The following ZNF486 variants were observed in gnomAD, a reference collection of about 807,000 sequenced individuals.
ZNF486 encodes zinc finger protein 486, also known as KRAB box only protein 2.
ZNF486 carries 12 observed loss-of-function variants against 12.8 expected under a neutral mutation model. The ratio of observed to expected loss-of-function variants is 0.94; its 90% CI spans 0.60 to 1.52. ZNF486 has a LOEUF of 1.52. Ranked by LOEUF, ZNF486 falls within the 40% of genes most tolerant of loss-of-function variation. ZNF486 has a pLI of 0.00. For missense variants in ZNF486, 738 were observed against 545.0 expected (o/e 1.35, Z -3.53); for synonymous variants, 231 against 184.9 (o/e 1.25, Z -2.02).
At chr19:20,180,834 T>C (rs1484274916) in intron 1 of ZNF486, among the ~76,000 whole-genome samples, 3 of 152,172 alleles carry the variant, frequency 2.0e-5, no homozygotes, top group Non-Finnish European at 4.4e-5. Flanking sequence ...GTATAATTTC[T>C]ACTTTTTTTT....
chr19:20,188,272 T>A, intron 3 of ZNF486: 1 of 391,706 alleles, frequency 2.6e-6, no homozygotes, highest in Non-Finnish European at 4.5e-6. Flanking sequence ...GAAATACTTG[T>A]TTGATTTGAA....
chr19:20,168,005 T>C (rs1359898096), intron 1 of ZNF486, among the ~76,000 whole-genome samples: 1 of 152,154 alleles, frequency 6.6e-6, no homozygotes, highest in Non-Finnish European at 1.5e-5. Context: ...TCAGCTTAGA[T>C]TGTGCGGTCT....
intron 3 of ZNF486, among the ~76,000 whole-genome samples, chr19:20,189,950 T>C (rs1306486725): frequency 6.6e-6 from 1 of 152,038 alleles, no homozygotes; most frequent in African/African-American, 2.4e-5. Context: ...TTTCTTTATG[T>C]CTAAGTATTT....
At chr19:20,175,088 C>G (rs537343506) in intron 1 of ZNF486, 1 of 152,322 alleles carries the variant, frequency 6.6e-6, no homozygotes, top group African/African-American at 2.4e-5. Flanking sequence ...GATGACAGAA[C>G]AGCAGAGATG....
At chr19:20,175,718 C>T (rs1473640257) in intron 1 of ZNF486, among the ~76,000 whole-genome samples, 3 of 152,202 alleles carry the variant, frequency 2.0e-5, no homozygotes, top group Admixed American at 6.5e-5. Context: ...TGAAAAGTCT[C>T]CCATGTCTAC....
chr19:20,200,385 C>T lies in ZNF486; in HGVS notation c.*2283C>T, dbSNP rs1186476594. On this transcript the variant is annotated 3_prime_UTR_variant, in exon 4 of 4. Coordinates refer to ENST00000335117, the MANE Select transcript of ZNF486 (RefSeq NM_052852.4). ...GGTAGGTCAGAGTAATACTTTTCTACATTATAGTGCAAGAAATAATTATTG... is the reference window on the plus strand; with the variant it reads ...GGTAGGTCAGAGTAATACTTTTCTATATTATAGTGCAAGAAATAATTATTG... 2.6e-5 allele frequency: 4 copies of T among 152,028 alleles called. No homozygotes were observed. Among genetic ancestry groups the T allele is most frequent in the African/African-American group, 4.8e-5 (2 of 41,384 alleles). The allele number at this position is 152,028 out of a possible 1,614,324, so 9.4% of individuals were successfully genotyped here. A position where few individuals can be genotyped will look rare whatever the true frequency, so the allele number is the denominator to read the frequency against.
intron 3 of ZNF486, among the ~76,000 whole-genome samples, chr19:20,190,807 T>C (rs1555717071): frequency 6.6e-6 from 1 of 152,228 alleles, no homozygotes; most frequent in East Asian, 1.9e-4. Context: ...TGAAGCCTAG[T>C]TGGTCTATAA....
At chr19:20,181,977 G>A (rs782629383) in intron 1 of ZNF486, among the ~76,000 whole-genome samples, 2 of 152,156 alleles carry the variant, frequency 1.3e-5, no homozygotes, top group Non-Finnish European at 2.9e-5. Flanking sequence ...AATAAACATT[G>A]CATTAGTACT....
intron 3 of ZNF486, among the ~76,000 whole-genome samples, chr19:20,192,234 C>T (rs935783934): frequency 3.2e-4 from 48 of 152,114 alleles, no homozygotes; most frequent in African/African-American, 1.2e-3. Flanking sequence ...CAATGAGTCT[C>T]TTGTAGGCAG....
chr19:20,169,002 G>A (rs1217023210), intron 1 of ZNF486, among the ~76,000 whole-genome samples: 3 of 151,966 alleles, frequency 2.0e-5, no homozygotes, highest in African/African-American at 7.2e-5. Context: ...CACCACGCCC[G>A]GCTAATTTTT....
intron 3 of ZNF486, among the ~76,000 whole-genome samples, chr19:20,193,090 T>A (rs1397054358): frequency 6.6e-6 from 1 of 152,134 alleles, no homozygotes. Flanking sequence ...TTTGTAATCA[T>A]CTTGAAAACT....
intron 2 of ZNF486, among the ~76,000 whole-genome samples, chr19:20,185,417 T>G (rs1555716245): frequency 1.4e-5 from 2 of 139,712 alleles, no homozygotes; most frequent in Admixed American, 7.0e-5. Flanking sequence ...TTTTTTTTTT[T>G]TTTTTTTTTT....
chr19:20,174,854 T>C (rs1470756130), intron 1 of ZNF486, among the ~76,000 whole-genome samples: 1 of 152,214 alleles, frequency 6.6e-6, no homozygotes, highest in Non-Finnish European at 1.5e-5. Context: ...TAAACACAAT[T>C]TTAGTGTCTT....
intron 1 of ZNF486, among the ~76,000 whole-genome samples, chr19:20,175,757 C>T (rs1032137882): frequency 1.3e-4 from 20 of 152,212 alleles, no homozygotes; most frequent in African/African-American, 4.3e-4. Context: ...GGCAACCATC[C>T]GATTTCTCAG....
intron 3 of ZNF486, among the ~76,000 whole-genome samples, chr19:20,193,446 G>C (rs1286264894): frequency 2.0e-5 from 3 of 151,900 alleles, no homozygotes; most frequent in African/African-American, 4.8e-5. Flanking sequence ...TGAATCAGAA[G>C]GTCAGGAGTT....
intron 1 of ZNF486, among the ~76,000 whole-genome samples, chr19:20,175,801 C>G (rs1158480492): frequency 1.3e-5 from 2 of 152,216 alleles, no homozygotes; most frequent in African/African-American, 4.8e-5. Context: ...TTCTATTCCA[C>G]AAAACAGCCA....
rs8109270 is a variant in ZNF486 at position 20,184,599 on chromosome 19, C to G, written c.157+117C>G. The G allele has an allele frequency of 0.011, 12,975 of 1,143,856 alleles. 1,167 individuals carry two copies. The African/African-American group carries it at 0.18, about 16-fold the overall frequency. 70.9% of individuals were successfully genotyped at this position (1,143,856 alleles called of 1,614,324 possible). On this transcript the variant is annotated intron_variant, in intron 2 of 3. Transcript: ENST00000335117. ...TAAAAGAGTTCCAGATGTCCTTTTTCCAGAAAATCTTCAGAATTTGTTTAT... is the reference window on the plus strand; with the variant it reads ...TAAAAGAGTTCCAGATGTCCTTTTTGCAGAAAATCTTCAGAATTTGTTTAT...
chr19:20,168,860 TG>T (rs2089614001), intron 1 of ZNF486, among the ~76,000 whole-genome samples: 1 of 151,916 alleles, frequency 6.6e-6, no homozygotes, highest in South Asian at 2.1e-4. Context: ...TTTTTTTTTT[TG>T]AGACAGTCTT....
rs1398227976 is a variant in ZNF486, at chr19:20,200,456, TTTATG to T, written c.*2356_*2360del. 2 of 152,160 alleles carry T rather than the reference TTTATG, an allele frequency of 1.3e-5. No homozygotes were observed. The highest frequency in any genetic ancestry group is 1.9e-4 in the East Asian group (1 of 5,204). 9.4% of individuals were successfully genotyped at this position (152,160 alleles called of 1,614,324 possible). A position where few individuals can be genotyped will look rare whatever the true frequency, so the allele number is the denominator to read the frequency against. On this transcript the variant is annotated 3_prime_UTR_variant, in exon 4 of 4. Transcript: ENST00000335117. ...ATTCGTATATTTTACTTATTGTACT[TTTATG>T]TAATAAAATGCAGTGCATTTAAAAA...
Sources: allele counts gnomAD v4.1 joint callset (sites outside exome capture counted in the v4.1 genomes callset), GRCh38; gene constraint gnomAD v4.1.1; transcripts MANE v1.5; gene names NCBI Gene and HGNC (gene_info 2026-07-23, HGNC 2026-07-21).